IFT80: variants seen among roughly 807,000 people sequenced by gnomAD.
The protein encoded by IFT80 is intraflagellar transport protein 80 homolog.
In IFT80, 79 loss-of-function variants were observed where a neutral mutation model predicts 107.9. The ratio of observed to expected loss-of-function variants is 0.73; its 90% CI spans 0.61 to 0.88. IFT80 has a LOEUF of 0.88. Ranked by LOEUF, IFT80 falls within the 40% of genes least tolerant of loss-of-function variation. The probability of loss-of-function intolerance (pLI) is 0.00; values close to 1 mark genes in which losing one functional copy is unlikely to be tolerated. For missense variants in IFT80, 797 were observed against 914.2 expected, an observed-to-expected ratio of 0.87 and a Z score of 1.65; for synonymous variants, 299 against 300.9, an observed-to-expected ratio of 0.99 and a Z score of 0.07.
chr3:160,378,933 T>C (rs1406747017), intron 3 of IFT80, among the ~76,000 whole-genome samples: 4 of 152,114 alleles, frequency 2.6e-5, no homozygotes, highest in South Asian at 2.1e-4. Flanking sequence ...CCAAGAGTCA[T>C]CAATAGATGC....
At chr3:160,341,220 C>T (rs1389245842) in intron 8 of IFT80, among the ~76,000 whole-genome samples, 1 of 151,980 alleles carries the variant, frequency 6.6e-6, no homozygotes, top group Non-Finnish European at 1.5e-5. Flanking sequence ...CCATGTTGCC[C>T]AGGCTGGTCT....
At chr3:160,349,127 CA>C (rs2108349023) in intron 8 of IFT80, among the ~76,000 whole-genome samples, 1 of 151,974 alleles carries the variant, frequency 6.6e-6, no homozygotes, top group South Asian at 2.1e-4. Flanking sequence ...TTTAAAAAAG[CA>C]GCCAGAAACT....
At chr3:160,341,837 T>C (rs750387865) in intron 8 of IFT80, among the ~76,000 whole-genome samples, 11 of 152,208 alleles carry the variant, frequency 7.2e-5, no homozygotes, top group Non-Finnish European at 1.3e-4. Flanking sequence ...AGTTCCTGTT[T>C]CCTGAGATCT....
chr3:160,272,309 T>C (rs182399029), intron 18 of IFT80, among the ~76,000 whole-genome samples: 1 of 152,252 alleles, frequency 6.6e-6, no homozygotes, highest in Admixed American at 6.5e-5. Flanking sequence ...TTTGAAGGTA[T>C]GACTGCAATA....
chr3:160,387,362 G>A (rs915113490), intron 1 of IFT80, among the ~76,000 whole-genome samples: 1 of 152,074 alleles, frequency 6.6e-6, no homozygotes, highest in Non-Finnish European at 1.5e-5. Flanking sequence ...AAATTAGCCG[G>A]GTGTGGTGGC....
chr3:160,381,265 T>TATATATATATATATATATATA (rs1559971346), intron 3 of IFT80, among the ~76,000 whole-genome samples: 252 of 135,114 alleles, frequency 1.9e-3, no homozygotes, highest in Non-Finnish European at 2.8e-3. Context: ...TATATATATA[T>TATATATATATATATATATATA]TAAAGCCAAA....
At chr3:160,308,421 A>G (rs528387216) in intron 9 of IFT80, among the ~76,000 whole-genome samples, 2 of 152,278 alleles carry the variant, frequency 1.3e-5, no homozygotes, top group Admixed American at 1.3e-4. Context: ...ACTATTTTGC[A>G]AGGATTTTAA....
chr3:160,395,036 T>C lies in IFT80; in HGVS notation c.-47+4110A>G, dbSNP rs534645140. Among the ~76,000 whole-genome samples the C allele has an allele frequency of 2.4e-3, 358 of 152,310 alleles. 4 individuals are homozygous for C. The highest frequency in any genetic ancestry group is 8.0e-3 in the African/African-American group (331 of 41,560). On this transcript the variant is annotated intron_variant, in intron 1 of 19. Transcript: ENST00000326448. ...TTATATGTTTCTGTTCTGTTTGAAG[T>C]TTTCAACAATGCTCACAGTATTATT...
chr3:160,297,647 G>T (rs1286114592), intron 12 of IFT80, among the ~76,000 whole-genome samples: 1 of 151,854 alleles, frequency 6.6e-6, no homozygotes, highest in Non-Finnish European at 1.5e-5. Flanking sequence ...TACTATAATA[G>T]AATTTTTAAT....
intron 13 of IFT80, 27 bp from the exon 14 acceptor site, chr3:160,282,640 TG>T (rs765550658): frequency 1.4e-6 from 2 of 1,403,400 alleles, no homozygotes; most frequent in Non-Finnish European, 2.0e-6. Flanking sequence ...ATGTAAATAC[TG>T]GGTTAGTTTT....
chr3:160,329,394 T>G (rs1203816834), intron 8 of IFT80, among the ~76,000 whole-genome samples: 2 of 152,078 alleles, frequency 1.3e-5, no homozygotes, highest in African/African-American at 4.8e-5. Context: ...GTGAGAACCC[T>G]GGTAGATGAA....
chr3:160,362,444 A>T (rs189234010), intron 6 of IFT80, among the ~76,000 whole-genome samples: 3 of 152,302 alleles, frequency 2.0e-5, no homozygotes, highest in Admixed American at 1.3e-4. Context: ...AGAGGTACAA[A>T]GAGGAGCTGG....
intron 8 of IFT80, among the ~76,000 whole-genome samples, chr3:160,335,083 C>T (rs184668064): frequency 2.0e-5 from 3 of 151,234 alleles, no homozygotes; most frequent in South Asian, 2.1e-4. Context: ...CAGGAACTAT[C>T]GGATTTCTAC....
intron 6 of IFT80, among the ~76,000 whole-genome samples, chr3:160,363,739 C>T (rs904240084): frequency 6.6e-6 from 1 of 151,946 alleles, no homozygotes; most frequent in Non-Finnish European, 1.5e-5. Context: ...ACAAACCTGA[C>T]AAAAACAAGA....
chr3:160,339,124 T>C (rs1156555221), intron 8 of IFT80, among the ~76,000 whole-genome samples: 1 of 152,166 alleles, frequency 6.6e-6, no homozygotes, highest in African/African-American at 2.4e-5. Flanking sequence ...GGTGGTTTCT[T>C]GGATATTTAC....
chr3:160,386,924 A>C (rs1286232105), intron 1 of IFT80, among the ~76,000 whole-genome samples: 1 of 152,238 alleles, frequency 6.6e-6, no homozygotes, highest in Non-Finnish European at 1.5e-5. Flanking sequence ...TTTTCTTCTG[A>C]ATGAACCAAG....
intron 12 of IFT80, among the ~76,000 whole-genome samples, chr3:160,294,843 T>C (rs931376363): frequency 1.3e-5 from 2 of 152,192 alleles, no homozygotes; most frequent in African/African-American, 4.8e-5. Flanking sequence ...GTAAGCCCCC[T>C]AATTTTTAGA....
intron 12 of IFT80, among the ~76,000 whole-genome samples, chr3:160,296,984 T>C (rs1716030517): frequency 6.6e-6 from 1 of 152,210 alleles, no homozygotes; most frequent in Non-Finnish European, 1.5e-5. Flanking sequence ...GCTGCCTTTT[T>C]ACTATAAATA....
At chr3:160,375,371 A>G (rs1431808221) in intron 5 of IFT80, among the ~76,000 whole-genome samples, 1 of 152,294 alleles carries the variant, frequency 6.6e-6, no homozygotes, top group African/African-American at 2.4e-5. Context: ...ATCAGTATAG[A>G]AATCAAACAT....
Sources: allele counts gnomAD v4.1 joint callset (sites outside exome capture counted in the v4.1 genomes callset), GRCh38; gene constraint gnomAD v4.1.1; transcripts MANE v1.5; gene names NCBI Gene and HGNC (gene_info 2026-07-23, HGNC 2026-07-21).